Variants in GRK6 observed in about 807,000 individuals in gnomAD.
The protein encoded by GRK6 is G protein-coupled receptor kinase 6.
GRK6 carries 37 observed loss-of-function variants against 80.8 expected under a neutral mutation model. The observed-to-expected ratio is 0.46, with a 90% CI of 0.35 to 0.60. The LOEUF is 0.60. Ranked by LOEUF, GRK6 falls within the 20% of genes least tolerant of loss-of-function variation. GRK6 has a pLI of 0.00. For missense variants in GRK6, 560 were observed against 784.6 expected, an observed-to-expected ratio of 0.71 and a Z score of 3.42; for synonymous variants, 295 against 320.9, an observed-to-expected ratio of 0.92 and a Z score of 0.86.
chr5:177,436,597 T>C, intron 13 of GRK6, 67 bp downstream of exon 13: 6 of 1,429,802 alleles, frequency 4.2e-6, no homozygotes, highest in Non-Finnish European at 5.7e-6. Flanking sequence ...GCTCTTGTAG[T>C]ATCAGCCAGG....
intron 1 of GRK6, 76 bp from the exon 2 acceptor site, chr5:177,430,796 C>T (rs1205415101): frequency 1.2e-5 from 16 of 1,307,752 alleles, no homozygotes; most frequent in East Asian, 2.3e-5. Context: ...CCCTAGAGGC[C>T]GTGGACCGCA....
intron 13 of GRK6, among the ~76,000 whole-genome samples, chr5:177,440,218 C>T (rs1016044659): frequency 6.6e-6 from 1 of 152,222 alleles, no homozygotes; most frequent in East Asian, 1.9e-4. Flanking sequence ...AGGTGGGCTC[C>T]CAGTGTGGGT....
chr5:177,436,606 G>A, intron 13 of GRK6, 76 bp downstream of exon 13: 1 of 1,370,188 alleles, frequency 7.3e-7, no homozygotes, highest in Non-Finnish European at 9.9e-7. Flanking sequence ...GTATCAGCCA[G>A]GATGCTTCCA....
chr5:177,432,905 C>T, intron 5 of GRK6, 99 bp downstream of exon 5: 1 of 1,012,316 alleles, frequency 9.9e-7, no homozygotes, highest in Non-Finnish European at 1.5e-6. Context: ...GGTGAGGGAG[C>T]TCAGCTGCCC....
chr5:177,439,650 A>T (rs533787533), intron 13 of GRK6, among the ~76,000 whole-genome samples: 1 of 151,948 alleles, frequency 6.6e-6, no homozygotes, highest in African/African-American at 2.4e-5. Flanking sequence ...AAAAAAAAAA[A>T]AACCCATACC....
chr5:177,441,880 C>T lies in GRK6; in HGVS notation c.*90C>T, dbSNP rs887814008. On this transcript the variant is annotated 3_prime_UTR_variant, in exon 16 of 16. Coordinates refer to ENST00000355472, the MANE Select transcript of GRK6 (RefSeq NM_001004106.3). ...TTGCACAGTGATCTTCCCCATTGTCCACTCAAGTCGTGGCCTGGGGAACAC... is the reference window on the plus strand; with the variant it reads ...TTGCACAGTGATCTTCCCCATTGTCTACTCAAGTCGTGGCCTGGGGAACAC... The T allele has an allele frequency of 3.7e-5, 44 of 1,202,528 alleles. No individual in the cohort carries two copies. In the Middle Eastern group the frequency reaches 7.7e-4, roughly 21 times the overall value. The allele number at this position is 1,202,528 out of a possible 1,614,324, so 74.5% of individuals were successfully genotyped here.
At chr5:177,438,121 A>G (rs1764252869) in intron 13 of GRK6, among the ~76,000 whole-genome samples, 1 of 152,174 alleles carries the variant, frequency 6.6e-6, no homozygotes, top group Admixed American at 6.5e-5. Context: ...TAATCCCAGC[A>G]CTTTGGGAGG....
intron 9 of GRK6, 114 bp from the exon 10 acceptor site, chr5:177,434,788 T>G: frequency 2.6e-6 from 3 of 1,163,130 alleles, no homozygotes; most frequent in Non-Finnish European, 3.8e-6. Context: ...AGCAAATGAG[T>G]CTCGCACCTT....
intron 8 of GRK6, 115 bp downstream of exon 8, chr5:177,433,791 T>TTGAC: frequency 2.0e-6 from 3 of 1,525,516 alleles, no homozygotes; most frequent in Non-Finnish European, 2.7e-6. Context: ...GTTTGGGGTG[T>TTGAC]TGACACCAGG....
chr5:177,442,143 A>T lies in GRK6; in HGVS notation c.*353A>T, dbSNP rs1581694982. 1 of 314,418 alleles carries T rather than the reference A, an allele frequency of 3.2e-6. No individual in the cohort carries two copies. The highest frequency in any genetic ancestry group is 4.8e-5 in the Admixed American group (1 of 21,020). The allele number at this position is 314,418 out of a possible 1,614,324, so 19.5% of individuals were successfully genotyped here. On this transcript the variant is annotated 3_prime_UTR_variant, in exon 16 of 16. Transcript: ENST00000355472. The stretch of plus-strand genomic sequence containing the variant: ...GGGGGCAGCCAGCCCTGGCTGGGAG[A>T]GCGGGAGCTGGCAGAGGAGCCACTG...
At chr5:177,441,117 C>T in intron 15 of GRK6, 64 bp downstream of exon 15, 1 of 1,587,480 alleles carries the variant, frequency 6.3e-7, no homozygotes. Flanking sequence ...GGGTGGGAGG[C>T]AGAGCCGGTG....
rs769539053 is a variant in GRK6, at chr5:177,436,542, C to T, written c.1404+12C>T. The T allele has an allele frequency of 1.0e-5, 16 of 1,567,960 alleles. No homozygotes were observed. Among genetic ancestry groups the T allele is most frequent in the South Asian group, 3.6e-5 (3 of 83,948 alleles). On this transcript the variant is annotated intron_variant, in intron 13 of 15. Coordinates refer to ENST00000355472, the MANE Select transcript of GRK6 (RefSeq NM_001004106.3). ...CGTTCAAGCCTGACGTGAGTGCAGC[C>T]CACTCCTGCTGAGGGCGGGGCCCAG...
rs561006674 is a variant in GRK6, at chr5:177,431,855, G to A, written c.149-140G>A. On this transcript the variant is annotated intron_variant, in intron 2 of 15. Coordinates refer to ENST00000355472, the MANE Select transcript of GRK6 (RefSeq NM_001004106.3). ...GCTGTGCCCACCTGAGGGTTGTGGT[G>A]AGGGTTCTGAAGAAGATTGTGGCTA... 5 of 752,668 alleles carry A rather than the reference G, an allele frequency of 6.6e-6. No individual in the cohort carries two copies. The East Asian group carries it at 1.3e-4, about 19-fold the overall frequency. 46.6% of individuals were successfully genotyped at this position (752,668 alleles called of 1,614,324 possible). A position where few individuals can be genotyped will look rare whatever the true frequency, so the allele number is the denominator to read the frequency against.
At chr5:177,432,905 C>A in intron 5 of GRK6, 99 bp downstream of exon 5, 1 of 1,012,312 alleles carries the variant, frequency 9.9e-7, no homozygotes, top group Non-Finnish European at 1.5e-6. Flanking sequence ...GGTGAGGGAG[C>A]TCAGCTGCCC....
chr5:177,440,958 G>C lies in GRK6; in HGVS notation c.1582G>C (p.Gly528Arg), dbSNP rs759772118. The change falls in exon 15 of 16, where the codon GGG becomes CGG. Residue 528 changes from glycine (G) to arginine (R), a missense_variant. Physicochemically the swap from Gly to Arg is moderately radical, Grantham distance 125. Transcript: ENST00000355472. ...TECFQELNVF[G>R]LDGSVPPDLD... ...GTGCTTCCAAGAGCTGAATGTCTTT[G>C]GGCTGGATGGCTCAGTTCCCCCAGA... is the stretch of plus-strand genomic sequence containing the variant. The C allele has an allele frequency of 1.2e-6, 2 of 1,613,990 alleles. No homozygotes were observed. The highest frequency in any genetic ancestry group is 1.7e-6 in the Non-Finnish European group (2 of 1,179,984).
rs1245897259 is a variant in GRK6 at position 177,436,131 on chromosome 5, C to T, written c.1116C>T (p.Gly372=). ...YTFSPDWWAL[G]CLLYEMIAGQ... Reference sequence around the variant, plus strand: ...TCAGCCCTGACTGGTGGGCGCTCGGCTGCCTCCTGTACGAGATGATCGCAG... The same window carrying T: ...TCAGCCCTGACTGGTGGGCGCTCGGTTGCCTCCTGTACGAGATGATCGCAG... The change falls in exon 12 of 16, where the codon GGC becomes GGT. Residue 372 remains glycine, a synonymous_variant. Transcript: ENST00000355472. 7 of 1,614,104 alleles carry T rather than the reference C, an allele frequency of 4.3e-6. No individual in the cohort carries two copies. The highest frequency in any genetic ancestry group is 5.9e-6 in the Non-Finnish European group (7 of 1,180,042).
chr5:177,435,798 G>A (rs1034518537), intron 11 of GRK6, among the ~76,000 whole-genome samples: 3 of 152,248 alleles, frequency 2.0e-5, no homozygotes, highest in Non-Finnish European at 4.4e-5. Context: ...TTGTGTTTAA[G>A]TCAAACTGTT....
chr5:177,431,011 T>TG, intron 2 of GRK6, 44 bp downstream of exon 2: 1 of 1,539,982 alleles, frequency 6.5e-7, no homozygotes, highest in Non-Finnish European at 8.9e-7. Context: ...CGAGGGGCCC[T>TG]GCTGGGGCCG....
intron 8 of GRK6, 57 bp from the exon 9 acceptor site, chr5:177,433,857 C>G (rs1581680129): frequency 6.7e-7 from 1 of 1,503,122 alleles, no homozygotes; most frequent in East Asian, 2.3e-5. Context: ...TTTGGGCAGC[C>G]CTGCCGCCAA....
Sources: gnomAD v4.1 joint callset for allele counts (sites outside exome capture counted in the v4.1 genomes callset) on GRCh38, gnomAD v4.1.1 for gene constraint, MANE v1.5 for transcripts, NCBI Gene and HGNC (gene_info 2026-07-23, HGNC 2026-07-21) for gene names.